Variants in KIF26A observed in about 807,000 individuals in gnomAD.
The protein encoded by KIF26A is kinesin family member 26A, also known as kinesin-like protein KIF26A.
KIF26A carries 74 observed loss-of-function variants against 126.0 expected under a neutral mutation model. That is an observed-to-expected ratio of 0.59 (90% CI 0.49 to 0.71). The LOEUF (loss-of-function observed/expected upper bound fraction) is 0.71. Among genes scored for constraint, KIF26A ranks in the 30% least tolerant of loss-of-function variants. KIF26A has a pLI of 0.00. For missense variants in KIF26A, 2,984 were observed against 2,763.3 expected (o/e 1.08, Z -1.79); for synonymous variants, 1,445 against 1,232.7 (o/e 1.17, Z -3.61).
Position 104,175,636 on chromosome 14 carries a change from A to T in KIF26A, c.2848A>T (p.Ser950Cys). The T allele has an allele frequency of 6.2e-7, 1 of 1,610,758 alleles. No individual in the cohort carries two copies. Among genetic ancestry groups the T allele is most frequent in the Non-Finnish European group, 8.5e-7 (1 of 1,179,556 alleles). Reference sequence around the variant, plus strand: ...GAGTGGAGGCAGGAGGCCACTGCCCAGCCCGGCTCCCCCACCTCCTCAGTT... The same window carrying T: ...GAGTGGAGGCAGGAGGCCACTGCCCTGCCCGGCTCCCCCACCTCCTCAGTT... ...AVSGGRRPLP[S>C]PAPPPPQLLE... The change falls in exon 12 of 15, where the codon AGC becomes TGC. Residue 950 changes from serine (S) to cysteine (C), a missense_variant. By Grantham distance (112) the Ser-to-Cys change is moderately radical. Coordinates refer to ENST00000423312, the MANE Select transcript of KIF26A (RefSeq NM_015656.2).
intron 2 of KIF26A, among the ~76,000 whole-genome samples, chr14:104,142,887 G>A (rs956487469): frequency 3.9e-5 from 6 of 152,286 alleles, no homozygotes; most frequent in African/African-American, 1.2e-4. Flanking sequence ...GGTCACCCCC[G>A]GGACTGCTGG....
chr14:104,160,693 G>C (rs1277012843), intron 4 of KIF26A, among the ~76,000 whole-genome samples: 1 of 152,196 alleles, frequency 6.6e-6, no homozygotes, highest in Non-Finnish European at 1.5e-5. Context: ...TGGCAACTCT[G>C]ATGACGCTGT....
Position 104,174,271 on chromosome 14 carries a change from C to T in KIF26A, c.2154C>T (p.Leu718=), listed in dbSNP as rs373946630. The T allele has an allele frequency of 2.8e-5, 44 of 1,563,298 alleles. No individual in the cohort carries two copies. The highest frequency in any genetic ancestry group is 2.7e-4 in the African/African-American group (20 of 73,240). The change falls in exon 11 of 15, where the codon CTC becomes CTT. Residue 718 remains leucine (L), a synonymous_variant. Coordinates refer to ENST00000423312, the MANE Select transcript of KIF26A (RefSeq NM_015656.2). ...QHAETLSTVQ[L]AARIHRLRRK... is the part of the protein sequence containing the mutation. ...CAGAGACACTCAGCACCGTGCAGCT[C>T]GCCGCCCGCATCCACCGCCTGCGCA...
At chr14:104,161,994 G>T (rs1205823662) in intron 4 of KIF26A, among the ~76,000 whole-genome samples, 1 of 152,232 alleles carries the variant, frequency 6.6e-6, no homozygotes, top group East Asian at 1.9e-4. Context: ...GTAAGTTCCT[G>T]CCTCCACAGG....
intron 5 of KIF26A, among the ~76,000 whole-genome samples, chr14:104,170,350 C>T (rs568297603): frequency 6.6e-6 from 1 of 152,290 alleles, no homozygotes; most frequent in South Asian, 2.1e-4. Context: ...CTGAGTAGTA[C>T]AATAGAAAAG....
chr14:104,179,712 C>T lies in KIF26A; in HGVS notation c.5571C>T (p.His1857=), dbSNP rs375567139. ...LEQCVNLCKA[H]VMMVTCFDIS... is the part of the protein sequence containing the mutation. ...AGTGCGTGAACCTGTGCAAGGCGCA[C>T]GTCATGATGGTCACCTGCTTCGACA... Residue 1857 remains histidine (H), a synonymous_variant, in exon 15 of 15, where the codon CAC becomes CAT. Transcript: ENST00000423312. 294 of 1,551,566 alleles carry T rather than the reference C, an allele frequency of 1.9e-4. 1 individual carries two copies. In the South Asian group the frequency reaches 2.3e-3, roughly 12 times the overall value.
chr14:104,152,179 C>T lies in KIF26A; in HGVS notation c.453C>T (p.Asp151=), dbSNP rs1468899149. The stretch of plus-strand genomic sequence containing the variant: ...TGCAGGCCCCTGCCAGCCATGAGGA[C>T]CTTGACGCCCCCCATGGAGGCCCCA... ...HLLQAPASHE[D]LDAPHGGPSL... The change falls in exon 3 of 15, where the codon GAC becomes GAT. Residue 151 remains aspartate, a synonymous_variant. Transcript: ENST00000423312. The surrounding 1 kb of genome is among the most constrained non-coding windows in gnomAD (Gnocchi z 5.9). 2 of 1,608,320 alleles carry T rather than the reference C, an allele frequency of 1.2e-6. No homozygotes were observed. The highest frequency in any genetic ancestry group is 1.7e-6 in the Non-Finnish European group (2 of 1,178,528).
Position 104,179,249 on chromosome 14 carries a change from T to C in KIF26A, c.5330T>C (p.Val1777Ala), listed in dbSNP as rs1032583938. 1.5e-5 allele frequency: 22 copies of C among 1,505,886 alleles called. No homozygotes were observed. The highest frequency in any genetic ancestry group is 2.2e-5 in the Admixed American group (1 of 46,322). 93.3% of individuals were successfully genotyped at this position (1,505,886 alleles called of 1,614,324 possible). A position where few individuals can be genotyped will look rare whatever the true frequency, so the allele number is the denominator to read the frequency against. Residue 1777 changes from valine to alanine, a missense_variant, in exon 14 of 15, where the codon GTC (valine) becomes GCC (alanine). By Grantham distance (64) the Val-to-Ala change is moderately conservative. Transcript: ENST00000423312. ...CCTGCCTCCCAGGGTCTGGCGTGCG[T>C]CAGTACAAGGCTGCGGCTGGCGGAG... ...REAPTQGLACVSTRLRLAERR... is the reference protein window; with the variant it reads ...REAPTQGLACASTRLRLAERR...
At position 104,177,207 on chromosome 14, in the gene KIF26A, A is replaced by G. The variant is rs750280921; in HGVS notation, c.4419A>G (p.Thr1473=). 3.6e-5 allele frequency: 58 copies of G among 1,595,134 alleles called. No homozygotes were observed. Among genetic ancestry groups the G allele is most frequent in the Non-Finnish European group, 4.1e-5 (48 of 1,176,330 alleles). ...PKLGVPPSSP[T]HGPAPACRSG... ...TGGGTGTGCCACCCTCCAGCCCCAC[A>G]CACGGTCCAGCTCCCGCCTGTAGGA... Residue 1473 remains threonine (T), a synonymous_variant, in exon 12 of 15, where the codon ACA becomes ACG. Coordinates refer to ENST00000423312, the MANE Select transcript of KIF26A (RefSeq NM_015656.2).
chr14:104,140,175 G>A (rs2037624466), intron 2 of KIF26A, among the ~76,000 whole-genome samples: 1 of 152,170 alleles, frequency 6.6e-6, no homozygotes, highest in Admixed American at 6.5e-5. Context: ...TGCCCTGTCT[G>A]GGGCAGGGCA....
chr14:104,155,366 T>A (rs1315339553), intron 3 of KIF26A, among the ~76,000 whole-genome samples: 1 of 152,212 alleles, frequency 6.6e-6, no homozygotes, highest in African/African-American at 2.4e-5. Flanking sequence ...TGCTCTCTGC[T>A]GGCCGCCTGG....
intron 7 of KIF26A, 140 bp from the exon 8 acceptor site, chr14:104,172,837 A>G: frequency 1.6e-6 from 2 of 1,254,778 alleles, no homozygotes; most frequent in Non-Finnish European, 2.2e-6. Flanking sequence ...CCCCTGCCGA[A>G]CTGAAAGGCA....
intron 2 of KIF26A, among the ~76,000 whole-genome samples, chr14:104,140,765 C>A (rs2037630163): frequency 6.6e-6 from 1 of 152,184 alleles, no homozygotes; most frequent in South Asian, 2.1e-4. Flanking sequence ...TCCAGCCTCC[C>A]CTGAGCTTGG....
rs1339365399 is a variant in KIF26A, at chr14:104,139,070, C to T, written c.70C>T (p.Pro24Ser). Reference sequence around the variant, plus strand: ...GGCCGAGGGCGGCCCGGCCCGCGAGCCGCCGCCGCTGCTGGAGGTGTCCCC... The same window carrying T: ...GGCCGAGGGCGGCCCGGCCCGCGAGTCGCCGCCGCTGCTGGAGGTGTCCCC... The part of the protein sequence containing the change: ...AVAEGGPARE[P>S]PPLLEVSPRK... Residue 24 changes from proline (P) to serine (S), a missense_variant, in exon 2 of 15, where the codon CCG becomes TCG. Physicochemically the swap from Pro to Ser is moderately conservative, Grantham distance 74 (BLOSUM62 -1). Coordinates refer to ENST00000423312, the MANE Select transcript of KIF26A (RefSeq NM_015656.2). The T allele has an allele frequency of 8.6e-6, 12 of 1,387,690 alleles. No individual in the cohort carries two copies. The highest frequency in any genetic ancestry group is 3.8e-5 in the Admixed American group (1 of 26,080). The allele number at this position is 1,387,690 out of a possible 1,614,324, so 86.0% of individuals were successfully genotyped here. A position where few individuals can be genotyped will look rare whatever the true frequency, so the allele number is the denominator to read the frequency against.
chr14:104,158,067 T>C, intron 4 of KIF26A, 125 bp downstream of exon 4: 1 of 930,126 alleles, frequency 1.1e-6, no homozygotes, highest in Non-Finnish European at 1.5e-6. Flanking sequence ...GACGAGTGGA[T>C]GGGGAGCTGC....
At chr14:104,173,640 T>A in intron 9 of KIF26A, 66 bp from the exon 10 acceptor site, 3 of 1,570,508 alleles carry the variant, frequency 1.9e-6, no homozygotes, top group Non-Finnish European at 2.6e-6. Flanking sequence ...GGGCCTGGGG[T>A]GGGGATGTGG....
intron 6 of KIF26A, 97 bp downstream of exon 6, chr14:104,172,032 C>T (rs1174548117): frequency 5.8e-6 from 7 of 1,206,946 alleles, no homozygotes; most frequent in East Asian, 2.6e-5. Flanking sequence ...CCGTGCAGGG[C>T]GCAGAGGAAG....
chr14:104,176,512 C>A lies in KIF26A; in HGVS notation c.3724C>A (p.Pro1242Thr). 1 of 1,605,308 alleles carries A rather than the reference C, an allele frequency of 6.2e-7. No homozygotes were observed. The highest frequency in any genetic ancestry group is 8.5e-7 in the Non-Finnish European group (1 of 1,179,674). ...TGGCCGTGGAGGCCTGTTTGAGGAC[C>A]CATGGCTGCTCCGGGTAGGGGAGTG... ...PPGRGGLFED[P>T]WLLRVGECDT... The change falls in exon 12 of 15, where the codon CCA (proline) becomes ACA (threonine). Residue 1242 changes from proline to threonine, a missense_variant. By Grantham distance (38) the Pro-to-Thr change is conservative (BLOSUM62 -1). Coordinates refer to ENST00000423312, the MANE Select transcript of KIF26A (RefSeq NM_015656.2).
rs2037701130 is a variant in KIF26A, at chr14:104,148,662, G to A, written c.289-3353G>A. ...GGCGGTGGGGGCTGTGCGTGGCCGG[G>A]GAGGGGGAGGGGGAGGGGAGGGGCA... On this transcript the variant is annotated intron_variant, in intron 2 of 14. Transcript: ENST00000423312. The surrounding 1 kb of genome is among the most constrained non-coding windows in gnomAD (Gnocchi z 4.3). Among the ~76,000 whole-genome samples, 1 of 150,024 alleles carries A rather than the reference G, an allele frequency of 6.7e-6. No individual in the cohort carries two copies. Among genetic ancestry groups the A allele is most frequent in the African/African-American group, 2.4e-5 (1 of 40,830 alleles).
Sources: allele counts gnomAD v4.1 joint callset (sites outside exome capture counted in the v4.1 genomes callset), GRCh38; gene constraint gnomAD v4.1.1; non-coding constraint Gnocchi (gnomAD v3.1); transcripts MANE v1.5; gene names NCBI Gene and HGNC (gene_info 2026-07-23, HGNC 2026-07-21).